Variants in GRIN2B observed in about 807,000 individuals in gnomAD.
GRIN2B encodes the protein glutamate receptor ionotropic, NMDA 2B.
A neutral mutation model predicts 114.5 loss-of-function variants in GRIN2B; 5 were observed. The observed-to-expected ratio is 0.04, with a 90% confidence interval of 0.02 to 0.09. The LOEUF (loss-of-function observed/expected upper bound fraction) is 0.09. Among genes scored for constraint, GRIN2B ranks in the 10% least tolerant of loss-of-function variants. The probability of loss-of-function intolerance (pLI) is 1.00; values close to 1 mark genes in which losing one functional copy is unlikely to be tolerated. For synonymous variants in GRIN2B, 787 were observed against 745.1 expected, an observed-to-expected ratio of 1.06 and a Z score of -0.92; for missense variants, 1,108 against 1,943.5, an observed-to-expected ratio of 0.57 and a Z score of 8.08.
chr12:13,629,002 A>G (rs1351249038), intron 5 of GRIN2B, among the ~76,000 whole-genome samples: 1 of 152,184 alleles, frequency 6.6e-6, no homozygotes, highest in Non-Finnish European at 1.5e-5. Context: ...TTTAAAATAC[A>G]TTATAATTTT....
intron 5 of GRIN2B, among the ~76,000 whole-genome samples, chr12:13,620,572 G>T (rs2136486403): frequency 6.6e-6 from 1 of 152,216 alleles, no homozygotes; most frequent in Admixed American, 6.5e-5. Context: ...TTTTTTAAAT[G>T]TTCCAAGTGA....
chr12:13,769,470 G>T (rs1565530720), intron 3 of GRIN2B, among the ~76,000 whole-genome samples: 1 of 152,140 alleles, frequency 6.6e-6, no homozygotes, highest in Non-Finnish European at 1.5e-5. Flanking sequence ...CGTCTCTGGA[G>T]CTGTAAGGGT....
chr12:13,563,593 G>A lies in GRIN2B; in HGVS notation c.3645C>T (p.Cys1215=). Residue 1215 remains cysteine (C), a synonymous_variant, in exon 14 of 14, where the codon TGC becomes TGT. Transcript: ENST00000609686. ...EWEDRSGGNF[C]RSCPSKLHNY... is the part of the protein sequence containing the mutation. Reference sequence around the variant, plus strand: ...TGTGCAGCTTGGAGGGACAGCTGCGGCAGAAGTTGCCCCCGGACCGGTCCT... The same window carrying A: ...TGTGCAGCTTGGAGGGACAGCTGCGACAGAAGTTGCCCCCGGACCGGTCCT... 6.2e-7 allele frequency: 1 copy of A among 1,614,118 alleles called. No individual in the cohort carries two copies. The highest frequency in any genetic ancestry group is 8.5e-7 in the Non-Finnish European group (1 of 1,180,018).
intron 2 of GRIN2B, among the ~76,000 whole-genome samples, chr12:13,961,659 A>G (rs886127612): frequency 7.2e-5 from 11 of 152,232 alleles, no homozygotes; most frequent in Admixed American, 6.5e-5. Context: ...TCCACTTACA[A>G]TGAAAAATCT....
intron 4 of GRIN2B, among the ~76,000 whole-genome samples, chr12:13,676,911 G>A (rs1170197627): frequency 6.6e-6 from 1 of 152,140 alleles, no homozygotes; most frequent in East Asian, 1.9e-4. Flanking sequence ...CTGGTTACTT[G>A]TGCATAGATT....
intron 3 of GRIN2B, among the ~76,000 whole-genome samples, chr12:13,818,073 T>G (rs531066858): frequency 6.6e-6 from 1 of 152,354 alleles, no homozygotes; most frequent in East Asian, 1.9e-4. Flanking sequence ...GGGCAGTGAA[T>G]GCCTATGAAA....
In GRIN2B at chr12:13,981,364, T is replaced by A. The variant is rs904155403; in HGVS notation, c.-470A>T. On this transcript the variant is annotated 5_prime_UTR_variant, in exon 1 of 14. Transcript: ENST00000609686. ...TACCGGCTCCGAGCGCCTCCGCGGT[T>A]GCAGTCTGCGGAGAGGGGTGGCCGG... 2.0e-5 allele frequency: 3 copies of A among 152,254 alleles called. No individual in the cohort carries two copies. The highest frequency in any genetic ancestry group is 4.8e-5 in the African/African-American group (2 of 41,436). 9.4% of individuals were successfully genotyped at this position (152,254 alleles called of 1,614,324 possible).
At chr12:13,860,476 G>C (rs1055991678) in intron 3 of GRIN2B, among the ~76,000 whole-genome samples, 3 of 152,078 alleles carry the variant, frequency 2.0e-5, no homozygotes, top group African/African-American at 7.2e-5. Context: ...TTACAGGTGT[G>C]CGTCACCACG....
intron 11 of GRIN2B, among the ~76,000 whole-genome samples, chr12:13,570,432 A>G (rs548079913): frequency 6.6e-6 from 1 of 152,314 alleles, no homozygotes; most frequent in South Asian, 2.1e-4. Flanking sequence ...AGTGGGGATA[A>G]GTGTAGGTGT....
chr12:13,635,446 T>C (rs1949658749), intron 5 of GRIN2B, among the ~76,000 whole-genome samples: 1 of 152,132 alleles, frequency 6.6e-6, no homozygotes, highest in South Asian at 2.1e-4. Context: ...TAGTTTAGGG[T>C]CCTGGGAGGA....
chr12:13,867,985 G>C (rs577951219), intron 2 of GRIN2B, among the ~76,000 whole-genome samples: 1 of 152,222 alleles, frequency 6.6e-6, no homozygotes, highest in Admixed American at 6.5e-5. Context: ...AGATAAGGAA[G>C]TGTTCGAGTT....
intron 10 of GRIN2B, among the ~76,000 whole-genome samples, chr12:13,607,362 ATATAT>A (rs1416517652): frequency 3.4e-3 from 151 of 44,186 alleles, no homozygotes; most frequent in African/African-American, 0.013. Flanking sequence ...AATATATAAT[ATATAT>A]TATATATTAT....
At chr12:13,786,008 CA>C (rs1864216192) in intron 3 of GRIN2B, among the ~76,000 whole-genome samples, 1 of 152,122 alleles carries the variant, frequency 6.6e-6, no homozygotes, top group Admixed American at 6.5e-5. Flanking sequence ...ACAGAGTCAC[CA>C]GCAGTACTAC....
At chr12:13,596,029 G>GA (rs552457574) in intron 10 of GRIN2B, among the ~76,000 whole-genome samples, 159 of 136,842 alleles carry the variant, frequency 1.2e-3, no homozygotes, top group Non-Finnish European at 1.4e-3. Context: ...TTTTCTGTAA[G>GA]AAAAAAAAAA....
chr12:13,661,205 G>A (rs990016081), intron 5 of GRIN2B, among the ~76,000 whole-genome samples: 2 of 152,142 alleles, frequency 1.3e-5, no homozygotes, highest in African/African-American at 4.8e-5. Context: ...TAAAGCTCAT[G>A]CCTGTGAAGC....
intron 2 of GRIN2B, among the ~76,000 whole-genome samples, chr12:13,881,511 G>T (rs1398053622): frequency 6.6e-6 from 1 of 152,184 alleles, no homozygotes; most frequent in Non-Finnish European, 1.5e-5. Context: ...CTAGAAGAAA[G>T]GCCTGGTTTC....
At chr12:13,943,955 C>T (rs935024659) in intron 2 of GRIN2B, among the ~76,000 whole-genome samples, 1 of 152,098 alleles carries the variant, frequency 6.6e-6, no homozygotes, top group African/African-American at 2.4e-5. Context: ...CAGTTCATGG[C>T]ACATAGTAGA....
chr12:13,785,066 G>A lies in GRIN2B; in HGVS notation c.412-31151C>T, dbSNP rs558485453. On this transcript the variant is annotated intron_variant, in intron 3 of 13. Transcript: ENST00000609686. ...TTCATTACTAACCTTGTTTTTAAAT[G>A]TTTATGATCTGTTTTAGCTTCGCAA... Among the ~76,000 whole-genome samples the A allele has an allele frequency of 1.2e-4, 18 of 152,282 alleles. No homozygotes were observed. In the South Asian group the frequency reaches 3.3e-3, roughly 28 times the overall value.
At chr12:13,574,070 G>T (rs1334429453) in intron 10 of GRIN2B, among the ~76,000 whole-genome samples, 2 of 152,174 alleles carry the variant, frequency 1.3e-5, no homozygotes, top group Non-Finnish European at 2.9e-5. Flanking sequence ...GGCCACTCAG[G>T]GTTAACTAGC....
Sources: allele counts gnomAD v4.1 joint callset (sites outside exome capture counted in the v4.1 genomes callset), GRCh38; gene constraint gnomAD v4.1.1; transcripts MANE v1.5; gene names NCBI Gene and HGNC (gene_info 2026-07-23, HGNC 2026-07-21).